The following CDK8 variants were observed in gnomAD, a reference collection of about 807,000 sequenced individuals.
CDK8 encodes cyclin-dependent kinase 8.
CDK8 carries 29 observed loss-of-function variants against 71.5 expected under a neutral mutation model. The observed-to-expected ratio is 0.41, with a 90% CI of 0.30 to 0.55. The LOEUF (loss-of-function observed/expected upper bound fraction) is 0.55, where lower values mean the gene tolerates loss of function less well. Ranked by LOEUF, CDK8 falls within the 20% of genes least tolerant of loss-of-function variation. The pLI is 0.37. For missense variants in CDK8, 288 were observed against 572.6 expected (o/e 0.50, Z 5.07); for synonymous variants, 161 against 192.1 (o/e 0.84, Z 1.34).
intron 1 of CDK8, among the ~76,000 whole-genome samples, chr13:26,288,392 T>C (rs929265530): frequency 4.1e-4 from 63 of 152,334 alleles, no homozygotes; most frequent in African/African-American, 1.4e-3. Flanking sequence ...ACATTTGGTA[T>C]TGATTTTTGC....
intron 4 of CDK8, among the ~76,000 whole-genome samples, chr13:26,364,765 G>A (rs1365625072): frequency 1.3e-5 from 2 of 152,136 alleles, no homozygotes; most frequent in African/African-American, 4.8e-5. Context: ...TTTTAAAATA[G>A]CCATATATAC....
At chr13:26,383,427 T>G (rs1304875327) in intron 5 of CDK8, among the ~76,000 whole-genome samples, 1 of 152,238 alleles carries the variant, frequency 6.6e-6, no homozygotes, top group Admixed American at 6.5e-5. Context: ...GATAGCTCTA[T>G]TTTCTTACAT....
At chr13:26,341,802 TAGTC>T (rs1283130414) in intron 2 of CDK8, among the ~76,000 whole-genome samples, 2 of 151,754 alleles carry the variant, frequency 1.3e-5, no homozygotes, top group African/African-American at 4.8e-5. Context: ...GTAAATTACA[TAGTC>T]AAAACAGTAA....
chr13:26,310,740 C>T lies in CDK8; in HGVS notation c.129-26827C>T, dbSNP rs565819137. 1.3e-3 allele frequency among the ~76,000 whole-genome samples: 196 copies of T among 152,184 alleles called. 1 individual carries two copies. Among genetic ancestry groups the T allele is most frequent in the African/African-American group, 4.6e-3 (191 of 41,512 alleles). On this transcript the variant is annotated intron_variant, in intron 1 of 12. Coordinates refer to ENST00000381527, the MANE Select transcript of CDK8 (RefSeq NM_001260.3). ...GCCCAGTTCCTAACAGGCCATGGAC[C>T]CTTATTGGTCTGAGGCCCTGGGGGT...
chr13:26,301,352 G>A (rs1053674161), intron 1 of CDK8, among the ~76,000 whole-genome samples: 1 of 151,842 alleles, frequency 6.6e-6, no homozygotes, highest in Non-Finnish European at 1.5e-5. Context: ...AGGAGAACTT[G>A]GGGATTTCAA....
intron 4 of CDK8, among the ~76,000 whole-genome samples, chr13:26,355,553 G>A (rs1021051409): frequency 4.6e-5 from 7 of 152,198 alleles, no homozygotes; most frequent in Non-Finnish European, 1.0e-4. Flanking sequence ...AGCTGAGGTT[G>A]CAGTGAGCCA....
chr13:26,323,392 C>A (rs2769315), intron 1 of CDK8, among the ~76,000 whole-genome samples: 1 of 150,474 alleles, frequency 6.6e-6, no homozygotes, highest in Admixed American at 6.6e-5. Flanking sequence ...AGCAAGCGCT[C>A]TGGTTTCTCT....
At chr13:26,376,403 C>T (rs1379421632) in intron 4 of CDK8, among the ~76,000 whole-genome samples, 2 of 152,032 alleles carry the variant, frequency 1.3e-5, no homozygotes, top group African/African-American at 4.8e-5. Context: ...TTTGTTTAAA[C>T]TGTTATAAAA....
At chr13:26,378,518 TTTA>T (rs1875063345) in intron 4 of CDK8, among the ~76,000 whole-genome samples, 1 of 152,186 alleles carries the variant, frequency 6.6e-6, no homozygotes, top group Non-Finnish European at 1.5e-5. Flanking sequence ...ATCTCATAGA[TTTA>T]TATCATTTTT....
At chr13:26,305,690 C>T (rs1874013407) in intron 1 of CDK8, among the ~76,000 whole-genome samples, 1 of 152,020 alleles carries the variant, frequency 6.6e-6, no homozygotes, top group Non-Finnish European at 1.5e-5. Flanking sequence ...GTATCTCTTC[C>T]AGTTGATTAA....
chr13:26,370,523 CCT>C (rs1404353929), intron 4 of CDK8, among the ~76,000 whole-genome samples: 1 of 152,138 alleles, frequency 6.6e-6, no homozygotes, highest in Admixed American at 6.6e-5. Flanking sequence ...GTATGTATCC[CCT>C]GTTTCATCTT....
chr13:26,264,043 A>T (rs1459925992), intron 1 of CDK8, among the ~76,000 whole-genome samples: 8 of 152,248 alleles, frequency 5.3e-5, no homozygotes, highest in Admixed American at 5.2e-4. Context: ...CACCGCTCCC[A>T]GCCAAGACTC....
At chr13:26,334,808 G>C (rs9319294) in intron 1 of CDK8, among the ~76,000 whole-genome samples, 144,136 of 152,312 alleles carry the variant, frequency 0.95, 68,246 homozygotes, top group East Asian at 1. Flanking sequence ...GTGCTATCAC[G>C]TCTGCCCTTC....
At chr13:26,304,658 A>G (rs1873962403) in intron 1 of CDK8, among the ~76,000 whole-genome samples, 1 of 151,922 alleles carries the variant, frequency 6.6e-6, no homozygotes, top group Non-Finnish European at 1.5e-5. Context: ...ATTTTTAGTG[A>G]CAGTGTTTCC....
At chr13:26,286,518 T>G (rs1055678152) in intron 1 of CDK8, among the ~76,000 whole-genome samples, 1 of 152,202 alleles carries the variant, frequency 6.6e-6, no homozygotes, top group Non-Finnish European at 1.5e-5. Context: ...CAACTCAAGA[T>G]GGAGTAAAGA....
intron 1 of CDK8, among the ~76,000 whole-genome samples, chr13:26,285,427 G>T (rs1872963212): frequency 6.6e-6 from 1 of 152,070 alleles, no homozygotes; most frequent in South Asian, 2.1e-4. Context: ...ATCAATAGTT[G>T]CAGAAAAAGC....
At chr13:26,367,475 A>G (rs1238125790) in intron 4 of CDK8, among the ~76,000 whole-genome samples, 1 of 152,086 alleles carries the variant, frequency 6.6e-6, no homozygotes, top group Non-Finnish European at 1.5e-5. Flanking sequence ...TTGTTCTACC[A>G]CTTAATTGTG....
chr13:26,304,789 A>G (rs1452029815), intron 1 of CDK8, among the ~76,000 whole-genome samples: 1 of 151,926 alleles, frequency 6.6e-6, no homozygotes, highest in Non-Finnish European at 1.5e-5. Flanking sequence ...GGTGCACACT[A>G]CCATACCCAG....
chr13:26,402,517 C>T (rs1566001513), intron 12 of CDK8, among the ~76,000 whole-genome samples: 1 of 152,114 alleles, frequency 6.6e-6, no homozygotes, highest in African/African-American at 2.4e-5. Context: ...GATAAGGTCC[C>T]GAGTGCTCGT....
Sources: allele counts gnomAD v4.1 joint callset (sites outside exome capture counted in the v4.1 genomes callset), GRCh38; gene constraint gnomAD v4.1.1; transcripts MANE v1.5; gene names NCBI Gene and HGNC (gene_info 2026-07-23, HGNC 2026-07-21).